Variants in CSMD1 observed in about 807,000 individuals in gnomAD.
The protein encoded by CSMD1 is CUB and sushi domain-containing protein 1.
In CSMD1, 213 loss-of-function variants were observed where a neutral mutation model predicts 417.5. The ratio of observed to expected loss-of-function variants is 0.51; its 90% confidence interval spans 0.46 to 0.57. CSMD1 has a LOEUF of 0.57. Ranked by LOEUF, CSMD1 falls within the 20% of genes least tolerant of loss-of-function variation. The pLI, the probability that CSMD1 is intolerant of heterozygous loss-of-function variation, is 0.00. For missense variants in CSMD1, 6,923 were observed against 4,529.7 expected, an observed-to-expected ratio of 1.53 and a Z score of -15.17; for synonymous variants, 2,862 against 1,736.8, an observed-to-expected ratio of 1.65 and a Z score of -16.11.
At chr8:3,709,606 A>G (rs1329947573) in intron 6 of CSMD1, among the ~76,000 whole-genome samples, 1 of 149,812 alleles carries the variant, frequency 6.7e-6, no homozygotes, top group Non-Finnish European at 1.5e-5. Flanking sequence ...AGGCCCAAAT[A>G]GAACAAAAGG....
chr8:4,506,481 C>G (rs1389372114), intron 2 of CSMD1, among the ~76,000 whole-genome samples: 2 of 152,140 alleles, frequency 1.3e-5, no homozygotes, highest in African/African-American at 2.4e-5. Flanking sequence ...TCTGCAGCCC[C>G]TCTTCATTCA....
chr8:3,144,937 C>T (rs7010908), intron 40 of CSMD1, among the ~76,000 whole-genome samples: 3 of 151,986 alleles, frequency 2.0e-5, no homozygotes, highest in African/African-American at 7.3e-5. Context: ...ACATCCAGAT[C>T]TGCTTGTCCA....
intron 29 of CSMD1, among the ~76,000 whole-genome samples, chr8:3,216,349 T>G (rs1003287257): frequency 6.6e-6 from 1 of 152,212 alleles, no homozygotes; most frequent in Non-Finnish European, 1.5e-5. Flanking sequence ...TTCAACACAA[T>G]GTACTGAGGA....
chr8:4,158,286 G>C (rs887167478), intron 3 of CSMD1, among the ~76,000 whole-genome samples: 1 of 151,942 alleles, frequency 6.6e-6, no homozygotes, highest in Non-Finnish European at 1.5e-5. Context: ...CTAAACAACA[G>C]AAGTACATGT....
chr8:4,763,479 A>C (rs1361626216), intron 1 of CSMD1, among the ~76,000 whole-genome samples: 1 of 152,174 alleles, frequency 6.6e-6, no homozygotes, highest in Non-Finnish European at 1.5e-5. Flanking sequence ...AGAGCTCCAT[A>C]ATCATTCAAT....
chr8:3,535,900 C>T (rs921459752), intron 10 of CSMD1, among the ~76,000 whole-genome samples: 1 of 152,120 alleles, frequency 6.6e-6, no homozygotes, highest in Non-Finnish European at 1.5e-5. Context: ...TAAGCTTCCC[C>T]CTCCTGGTGG....
intron 5 of CSMD1, among the ~76,000 whole-genome samples, chr8:3,797,691 C>T (rs148171145): frequency 6.6e-6 from 1 of 151,852 alleles, no homozygotes; most frequent in South Asian, 2.1e-4. Flanking sequence ...GATTGTTTCA[C>T]CTTTTGGCTA....
At chr8:4,606,745 C>G (rs1170201759) in intron 2 of CSMD1, among the ~76,000 whole-genome samples, 2 of 152,064 alleles carry the variant, frequency 1.3e-5, no homozygotes, top group Admixed American at 6.6e-5. Flanking sequence ...CTAATAAAGA[C>G]CTTTTATGAA....
At chr8:4,491,095 G>A (rs1801674586) in intron 2 of CSMD1, among the ~76,000 whole-genome samples, 1 of 152,062 alleles carries the variant, frequency 6.6e-6, no homozygotes, top group Admixed American at 6.6e-5. Flanking sequence ...GCTATTAATG[G>A]GTACTAGGCT....
intron 5 of CSMD1, among the ~76,000 whole-genome samples, chr8:3,938,065 TG>T (rs1250824802): frequency 1.3e-5 from 2 of 152,242 alleles, no homozygotes; most frequent in Non-Finnish European, 2.9e-5. Context: ...AACAATATTC[TG>T]GGGATTACAC....
chr8:4,715,546 A>G (rs148332256), intron 1 of CSMD1, among the ~76,000 whole-genome samples: 133 of 152,256 alleles, frequency 8.7e-4, no homozygotes, highest in African/African-American at 3.1e-3. Context: ...GCACGTATAT[A>G]TATCCAACGG....
chr8:3,897,165 C>G (rs546530728), intron 5 of CSMD1, among the ~76,000 whole-genome samples: 2 of 152,108 alleles, frequency 1.3e-5, no homozygotes, highest in Admixed American at 6.5e-5. Context: ...TGAATTTCAA[C>G]GAGACAAGGG....
intron 1 of CSMD1, among the ~76,000 whole-genome samples, chr8:4,779,852 G>A (rs1272112658): frequency 1.3e-5 from 2 of 152,132 alleles, no homozygotes; most frequent in African/African-American, 2.4e-5. Flanking sequence ...CTTCCAAACA[G>A]CAGCAGCAAC....
At chr8:3,995,726 G>A (rs537827992) in intron 5 of CSMD1, among the ~76,000 whole-genome samples, 24 of 152,274 alleles carry the variant, frequency 1.6e-4, no homozygotes, top group African/African-American at 4.1e-4. Flanking sequence ...GGGCTTTTGC[G>A]CCAAGCAAAT....
At chr8:3,551,241 C>G (rs1798897112) in intron 10 of CSMD1, among the ~76,000 whole-genome samples, 1 of 152,124 alleles carries the variant, frequency 6.6e-6, no homozygotes, top group Non-Finnish European at 1.5e-5. Context: ...GTAAATTTCT[C>G]AAGAAATATT....
chr8:3,487,738 G>C (rs1303364071), intron 11 of CSMD1, among the ~76,000 whole-genome samples: 1 of 152,156 alleles, frequency 6.6e-6, no homozygotes, highest in Non-Finnish European at 1.5e-5. Context: ...AATTAGCTGT[G>C]AATGTTTTTA....
At chr8:3,685,106 T>C (rs1449812110) in intron 7 of CSMD1, among the ~76,000 whole-genome samples, 1 of 152,194 alleles carries the variant, frequency 6.6e-6, no homozygotes, top group Non-Finnish European at 1.5e-5. Context: ...GGGTTCATTA[T>C]AGAAAATGCA....
chr8:4,486,250 CATATATAT>C (rs376449969), intron 2 of CSMD1, among the ~76,000 whole-genome samples: 3 of 13,216 alleles, frequency 2.3e-4, no homozygotes, highest in Non-Finnish European at 3.2e-4. Flanking sequence ...TATATACATA[CATATATAT>C]ATATATATAT....
chr8:3,384,021 G>C (rs112728799), intron 18 of CSMD1, among the ~76,000 whole-genome samples: 9 of 152,172 alleles, frequency 5.9e-5, no homozygotes, highest in African/African-American at 2.2e-4. Context: ...ACTAGTGCCA[G>C]ACAATTAAGG....
Sources: gnomAD v4.1 joint callset for allele counts (sites outside exome capture counted in the v4.1 genomes callset) on GRCh38, gnomAD v4.1.1 for gene constraint, MANE v1.5 for transcripts, NCBI Gene and HGNC (gene_info 2026-07-23, HGNC 2026-07-21) for gene names.